DCTN5: variants seen among roughly 807,000 people sequenced by gnomAD.
DCTN5 encodes the protein dynactin 4.
A neutral mutation model predicts 23.5 loss-of-function variants in DCTN5; 14 were observed. That is an observed-to-expected ratio of 0.60 (90% confidence interval 0.39 to 0.93). The LOEUF is 0.93. Ranked by LOEUF, DCTN5 falls within the 40% of genes least tolerant of loss-of-function variation. DCTN5 has a pLI of 0.00. For missense variants in DCTN5, 156 were observed against 225.9 expected (o/e 0.69, Z 1.98); for synonymous variants, 67 against 79.6 (o/e 0.84, Z 0.84).
rs869302728 is a variant in DCTN5, at chr16:23,645,083, CTATATATATATATATATATA to C, written c.117+2096_117+2115del. ...GTGTGAGCCACTGCACCCAGCCTAACTATATATATATATATATATATATATATATATATATATATATATAT... is the reference window on the plus strand; with the variant it reads ...GTGTGAGCCACTGCACCCAGCCTAACTATATATATATATATATATATATAT... On this transcript the variant is annotated intron_variant, in intron 2 of 5. Coordinates refer to ENST00000300087, the MANE Select transcript of DCTN5 (RefSeq NM_032486.4). 9.7e-3 allele frequency among the ~76,000 whole-genome samples: 320 copies of C among 33,108 alleles called. 17 individuals are homozygous for C. Among genetic ancestry groups the C allele is most frequent in the Middle Eastern group, 0.026 (1 of 38 alleles). The allele number at this position is 33,108 out of a possible 152,430, so 21.7% of individuals were successfully genotyped here.
intron 2 of DCTN5, among the ~76,000 whole-genome samples, chr16:23,647,867 T>C (rs1164889167): frequency 1.3e-5 from 2 of 152,144 alleles, no homozygotes; most frequent in Admixed American, 1.3e-4. Flanking sequence ...AAAGAATATA[T>C]GTGACATATA....
chr16:23,661,141 T>A, intron 3 of DCTN5, 29 bp from the exon 4 acceptor site: 1 of 1,519,740 alleles, frequency 6.6e-7, no homozygotes, highest in Non-Finnish European at 9.1e-7. Flanking sequence ...TCTTGACCTT[T>A]CTGTGTTCAT....
At chr16:23,648,334 TTTC>T (rs1353776776) in intron 2 of DCTN5, among the ~76,000 whole-genome samples, 4 of 147,972 alleles carry the variant, frequency 2.7e-5, no homozygotes, top group African/African-American at 7.7e-5. Flanking sequence ...CTAATTTTTT[TTTC>T]TTTTTTCTTT....
chr16:23,666,959 A>G, intron 5 of DCTN5, 88 bp from the exon 6 acceptor site: 1 of 1,570,240 alleles, frequency 6.4e-7, no homozygotes, highest in Non-Finnish European at 8.6e-7. Context: ...CATGCATCTG[A>G]TTGAGGTGAG....
At chr16:23,659,422 A>G (rs376384120) in intron 3 of DCTN5, among the ~76,000 whole-genome samples, 2 of 152,184 alleles carry the variant, frequency 1.3e-5, no homozygotes, top group South Asian at 4.1e-4. Context: ...ATTTCATCCA[A>G]TAAGTCAGCA....
chr16:23,644,501 C>T (rs1382356434), intron 2 of DCTN5, among the ~76,000 whole-genome samples: 1 of 151,718 alleles, frequency 6.6e-6, no homozygotes, highest in Admixed American at 6.6e-5. Context: ...GGGGTTTCAC[C>T]GTGTTAGCCA....
rs894132368 is a variant in DCTN5, at chr16:23,674,721, T to C, written c.*7577T>C. 2 of 152,218 alleles carry C rather than the reference T, an allele frequency of 1.3e-5. No individual in the cohort carries two copies. The highest frequency in any genetic ancestry group is 1.3e-4 in the Admixed American group (2 of 15,280). 9.4% of individuals were successfully genotyped at this position (152,218 alleles called of 1,614,324 possible). ...AAACACATTTTGAAATTTTTAAAAATTCAGGGTTTCATCCTTTATTAGTTT... is the reference window on the plus strand; with the variant it reads ...AAACACATTTTGAAATTTTTAAAAACTCAGGGTTTCATCCTTTATTAGTTT... On this transcript the variant is annotated 3_prime_UTR_variant, in exon 6 of 6. Coordinates refer to ENST00000300087, the MANE Select transcript of DCTN5 (RefSeq NM_032486.4).
chr16:23,652,891 C>T (rs1038361332), intron 2 of DCTN5, among the ~76,000 whole-genome samples: 1 of 152,062 alleles, frequency 6.6e-6, no homozygotes, highest in Non-Finnish European at 1.5e-5. Context: ...ACCTGTAATC[C>T]CAGCACTTTC....
intron 3 of DCTN5, among the ~76,000 whole-genome samples, chr16:23,659,159 G>A (rs1486792607): frequency 6.6e-6 from 1 of 152,116 alleles, no homozygotes; most frequent in Admixed American, 6.5e-5. Flanking sequence ...GAGATCTTAT[G>A]TGTTACTTCC....
At chr16:23,651,909 C>T (rs1407684053) in intron 2 of DCTN5, among the ~76,000 whole-genome samples, 1 of 152,124 alleles carries the variant, frequency 6.6e-6, no homozygotes, top group Non-Finnish European at 1.5e-5. Flanking sequence ...ATGGCATGCG[C>T]CTGTAATCCC....
At position 23,641,502 on chromosome 16, in the gene DCTN5, A is replaced by T; in HGVS notation, c.-41A>T. On this transcript the variant is annotated 5_prime_UTR_variant, in exon 1 of 6. Coordinates refer to ENST00000300087, the MANE Select transcript of DCTN5 (RefSeq NM_032486.4). ...GAATCTCTGAAAGACTGACCGACTG[A>T]CTCTGACAGGATCCGGGGCTGAGGG... 3 of 1,613,106 alleles carry T rather than the reference A, an allele frequency of 1.9e-6. No homozygotes were observed. Among genetic ancestry groups the T allele is most frequent in the African/African-American group, 1.3e-5 (1 of 74,976 alleles).
rs888800353 is a variant in DCTN5 at position 23,673,279 on chromosome 16, A to G, written c.*6135A>G. On this transcript the variant is annotated 3_prime_UTR_variant, in exon 6 of 6. Coordinates refer to ENST00000300087, the MANE Select transcript of DCTN5 (RefSeq NM_032486.4). ...ATTTTTTAAAAAAAAACTTGCTTGT[A>G]TTTGTTTATTTTTTAAATAGAGACA... 1 of 152,160 alleles carries G rather than the reference A, an allele frequency of 6.6e-6. No individual in the cohort carries two copies. Among genetic ancestry groups the G allele is most frequent in the South Asian group, 2.1e-4 (1 of 4,820 alleles). The allele number at this position is 152,160 out of a possible 1,614,324, so 9.4% of individuals were successfully genotyped here.
In DCTN5 at chr16:23,673,935, T is replaced by C. The variant is rs924661336; in HGVS notation, c.*6791T>C. 2.6e-5 allele frequency: 4 copies of C among 151,734 alleles called. No homozygotes were observed. Among genetic ancestry groups the C allele is most frequent in the Non-Finnish European group, 2.9e-5 (2 of 68,040 alleles). The allele number at this position is 151,734 out of a possible 1,614,324, so 9.4% of individuals were successfully genotyped here. On this transcript the variant is annotated 3_prime_UTR_variant, in exon 6 of 6. Transcript: ENST00000300087. ...AGGCTGATGATTGTCTAGTCTAATA[T>C]GCATTTTTTTTGAGTGGGTCAATTG...
intron 2 of DCTN5, among the ~76,000 whole-genome samples, chr16:23,643,963 A>T (rs1967366027): frequency 1.3e-5 from 2 of 152,188 alleles, no homozygotes; most frequent in South Asian, 4.1e-4. Flanking sequence ...ATTTTTCTTT[A>T]AATATTACAT....
rs1967414895 is a variant in DCTN5, at chr16:23,645,116, TATATA to T, written c.117+2094_117+2098del. 1.2e-4 allele frequency among the ~76,000 whole-genome samples: 5 copies of T among 41,734 alleles called. 1 individual carries two copies. The highest frequency in any genetic ancestry group is 4.9e-4 in the African/African-American group (5 of 10,278). 27.4% of individuals were successfully genotyped at this position (41,734 alleles called of 152,430 possible). On this transcript the variant is annotated intron_variant, in intron 2 of 5. Coordinates refer to ENST00000300087, the MANE Select transcript of DCTN5 (RefSeq NM_032486.4). ...ATATATATATATATATATATATATA[TATATA>T]TATATATATATATATATTTTTTTTT...
chr16:23,653,981 G>A (rs1272225172), intron 2 of DCTN5, among the ~76,000 whole-genome samples: 5 of 152,248 alleles, frequency 3.3e-5, no homozygotes, highest in African/African-American at 4.8e-5. Context: ...TCAAAACCAC[G>A]AGATACCGTC....
chr16:23,675,483 G>A lies in DCTN5; in HGVS notation c.*8339G>A, dbSNP rs955597389. 3 of 139,396 alleles carry A rather than the reference G, an allele frequency of 2.2e-5. No homozygotes were observed. The highest frequency in any genetic ancestry group is 1.5e-5 in the Non-Finnish European group (1 of 65,988). 8.6% of individuals were successfully genotyped at this position (139,396 alleles called of 1,614,324 possible). Reference sequence around the variant, plus strand: ...CCACCGCACTCTAGCCTGGGCAACAGAGCCAGACCATATCTCAAAAAAAAA... The same window carrying A: ...CCACCGCACTCTAGCCTGGGCAACAAAGCCAGACCATATCTCAAAAAAAAA... On this transcript the variant is annotated 3_prime_UTR_variant, in exon 6 of 6. Transcript: ENST00000300087.
intron 2 of DCTN5, among the ~76,000 whole-genome samples, chr16:23,645,116 TATATATA>T (rs1967414973): frequency 1.2e-4 from 5 of 41,736 alleles, no homozygotes; most frequent in African/African-American, 4.9e-4. Flanking sequence ...TATATATATA[TATATATA>T]TATATATATA....
intron 2 of DCTN5, chr16:23,650,733 T>C (rs1967586321): frequency 6.5e-7 from 1 of 1,532,676 alleles, no homozygotes; most frequent in African/African-American, 1.4e-5. Flanking sequence ...AATCCATTTA[T>C]ATTTCTATCC....
Sources: allele counts gnomAD v4.1 joint callset (sites outside exome capture counted in the v4.1 genomes callset), GRCh38; gene constraint gnomAD v4.1.1; transcripts MANE v1.5; gene names NCBI Gene and HGNC (gene_info 2026-07-23, HGNC 2026-07-21).